The following DTNA variants were observed in gnomAD, a reference collection of about 807,000 sequenced individuals.
DTNA encodes dystrobrevin alpha, also known as dystrophin-related protein 3.
Under a neutral mutation model 100.7 loss-of-function variants are expected in DTNA, and 43 were observed. The ratio of observed to expected loss-of-function variants is 0.43; its 90% CI spans 0.33 to 0.55. The LOEUF is 0.55. Among genes scored for constraint, DTNA ranks in the 20% least tolerant of loss-of-function variants. The pLI, the probability that DTNA is intolerant of heterozygous loss-of-function variation, is 0.04. For missense variants in DTNA, 798 were observed against 953.9 expected, an observed-to-expected ratio of 0.84 and a Z score of 2.15; for synonymous variants, 349 against 347.9, an observed-to-expected ratio of 1.00 and a Z score of -0.04.
intron 1 of DTNA, among the ~76,000 whole-genome samples, chr18:34,724,561 A>T (rs2086141781): frequency 6.6e-6 from 1 of 152,240 alleles, no homozygotes; most frequent in South Asian, 2.1e-4. Context: ...TAATAATGGT[A>T]CAAGGTGAAA....
chr18:34,539,188 T>G (rs1317045201), intron 1 of DTNA, among the ~76,000 whole-genome samples: 1 of 151,800 alleles, frequency 6.6e-6, no homozygotes, highest in Non-Finnish European at 1.5e-5. Flanking sequence ...AATGCAGGTT[T>G]TCTTGGGAAA....
chr18:34,567,328 A>G (rs1400159215), intron 1 of DTNA, among the ~76,000 whole-genome samples: 2 of 152,192 alleles, frequency 1.3e-5, no homozygotes, highest in Admixed American at 1.3e-4. Flanking sequence ...TGGATTTACT[A>G]TTCGTTACCT....
rs557199331 is a variant in DTNA, at chr18:34,890,807, A to G, written c.*3073A>G. 10 of 241,124 alleles carry G rather than the reference A, an allele frequency of 4.1e-5. No individual in the cohort carries two copies. In the South Asian group the frequency reaches 8.1e-4, roughly 20 times the overall value. The allele number at this position is 241,124 out of a possible 1,614,324, so 14.9% of individuals were successfully genotyped here. A position where few individuals can be genotyped will look rare whatever the true frequency, so the allele number is the denominator to read the frequency against. On this transcript the variant is annotated 3_prime_UTR_variant, in exon 23 of 23. Transcript: ENST00000444659. ...GTAGTAATGTGAACTGAATTGCATT[A>G]AGAGTGTGTGGCCTTTGTTGTGATA...
intron 1 of DTNA, among the ~76,000 whole-genome samples, chr18:34,576,239 T>C (rs531187902): frequency 1.9e-4 from 29 of 152,160 alleles, no homozygotes; most frequent in Non-Finnish European, 3.8e-4. Flanking sequence ...GTCACACAAG[T>C]GACTGCCACA....
chr18:34,504,196 C>CT (rs755820210), intron 1 of DTNA: 1 of 151,848 alleles, frequency 6.6e-6, no homozygotes, highest in African/African-American at 2.4e-5. Context: ...AATCATCACT[C>CT]TAAGTATTAC....
chr18:34,660,372 G>A (rs2075018041), intron 1 of DTNA, among the ~76,000 whole-genome samples: 2 of 151,162 alleles, frequency 1.3e-5, no homozygotes, highest in South Asian at 2.1e-4. Flanking sequence ...AAGACTTTTT[G>A]TAGCAATAGG....
chr18:34,742,629 T>TTCTATTATCTATCTAGATAGATAGATAA (rs6146258), intron 1 of DTNA, among the ~76,000 whole-genome samples: 101,959 of 137,234 alleles, frequency 0.74, 37,893 homozygotes, highest in East Asian at 0.85. Flanking sequence ...TCTGATTATC[T>TTCTATTATCTATCTAGATAGATAGATAA]TCTATTATCT....
Position 34,519,109 on chromosome 18 carries a change from A to C in DTNA, c.-2+25595A>C, listed in dbSNP as rs2041936559. On this transcript the variant is annotated intron_variant, in intron 1 of 19. Coordinates refer to the DTNA transcript ENST00000283365. ...ATGGTGATGTTATCCAAAAGGATAA[A>C]ACAAGGAACAGGTTTGGATTGAAGA... Among the ~76,000 whole-genome samples, 3 of 152,152 alleles carry C rather than the reference A, an allele frequency of 2.0e-5. No homozygotes were observed. The South Asian group carries it at 6.2e-4, about 32-fold the overall frequency.
At chr18:34,505,060 T>A (rs1255518956) in intron 1 of DTNA, among the ~76,000 whole-genome samples, 2 of 152,238 alleles carry the variant, frequency 1.3e-5, no homozygotes, top group African/African-American at 2.4e-5. Context: ...AGTGCACATG[T>A]ACTTTCTTAC....
intron 9 of DTNA, among the ~76,000 whole-genome samples, chr18:34,826,695 C>T (rs2095866014): frequency 6.6e-6 from 1 of 152,120 alleles, no homozygotes; most frequent in Admixed American, 6.5e-5. Flanking sequence ...TCAGAAAATG[C>T]TCCACCTCAT....
At chr18:34,521,282 A>G (rs2042124569) in intron 1 of DTNA, among the ~76,000 whole-genome samples, 1 of 152,084 alleles carries the variant, frequency 6.6e-6, no homozygotes, top group Admixed American at 6.6e-5. Flanking sequence ...CTGTGCCCTC[A>G]AAATATGTCC....
chr18:34,497,024 A>G (rs531667940), intron 1 of DTNA, among the ~76,000 whole-genome samples: 8 of 152,330 alleles, frequency 5.3e-5, no homozygotes, highest in Middle Eastern at 3.4e-3. Context: ...TTTAAAGCAC[A>G]TGGAACATGT....
chr18:34,782,565 C>T (rs2094366385), intron 3 of DTNA, among the ~76,000 whole-genome samples: 1 of 152,182 alleles, frequency 6.6e-6, no homozygotes, highest in African/African-American at 2.4e-5. Flanking sequence ...TGAGCATCCT[C>T]AGGGACATGG....
intron 14 of DTNA, among the ~76,000 whole-genome samples, chr18:34,850,692 G>T (rs560781716): frequency 3.9e-4 from 59 of 152,240 alleles, no homozygotes; most frequent in Middle Eastern, 3.4e-3. Flanking sequence ...ATAAAAATTG[G>T]TGTGGAGGAA....
chr18:34,775,292 C>T (rs1479689128), intron 3 of DTNA, among the ~76,000 whole-genome samples: 1 of 152,090 alleles, frequency 6.6e-6, no homozygotes, highest in Non-Finnish European at 1.5e-5. Context: ...CGAGACGATC[C>T]TGGTGAACAC....
intron 3 of DTNA, among the ~76,000 whole-genome samples, chr18:34,781,702 G>GAATA (rs569759511): frequency 6.6e-5 from 10 of 152,118 alleles, no homozygotes; most frequent in South Asian, 4.2e-4. Context: ...ATGAATGAAT[G>GAATA]AATAAATAAA....
intron 11 of DTNA, among the ~76,000 whole-genome samples, chr18:34,833,869 G>C (rs1357705216): frequency 6.6e-6 from 1 of 152,142 alleles, no homozygotes; most frequent in African/African-American, 2.4e-5. Flanking sequence ...TGAAGACAAG[G>C]CATGTAGAAC....
Position 34,753,382 on chromosome 18 carries a change from TA to T in DTNA, c.-1-2593del, listed in dbSNP as rs1568413127. 6.6e-3 allele frequency among the ~76,000 whole-genome samples: 112 copies of T among 16,870 alleles called. 1 individual carries two copies. Among genetic ancestry groups the T allele is most frequent in the Middle Eastern group, 0.036 (1 of 28 alleles). 11.1% of individuals were successfully genotyped at this position (16,870 alleles called of 152,430 possible). A position where few individuals can be genotyped will look rare whatever the true frequency, so the allele number is the denominator to read the frequency against. On this transcript the variant is annotated intron_variant, in intron 1 of 22. Transcript: ENST00000444659. ...ATTTATTTTATTTTTTTTTTTTTTT[TA>T]TTTTTTATTTTTTTTTTGAGACGGA...
chr18:34,885,596 A>C (rs2096914422), intron 22 of DTNA, among the ~76,000 whole-genome samples: 1 of 152,182 alleles, frequency 6.6e-6, no homozygotes, highest in South Asian at 2.1e-4. Flanking sequence ...TCCTCTATAC[A>C]ACATATTGCA....
Sources: gnomAD v4.1 joint callset for allele counts (sites outside exome capture counted in the v4.1 genomes callset) on GRCh38, gnomAD v4.1.1 for gene constraint, MANE v1.5 for transcripts, NCBI Gene and HGNC (gene_info 2026-07-23, HGNC 2026-07-21) for gene names.